The following DOCK4 variants were observed in gnomAD, a reference collection of about 807,000 sequenced individuals.
The protein encoded by DOCK4 is dedicator of cytokinesis 4.
Under a neutral mutation model 268.1 loss-of-function variants are expected in DOCK4, and 97 were observed. That is an observed-to-expected ratio of 0.36 (90% CI 0.31 to 0.43). The LOEUF is 0.43. Among genes scored for constraint, DOCK4 ranks in the 20% least tolerant of loss-of-function variants. The pLI is 1.00. For synonymous variants in DOCK4, 954 were observed against 887.2 expected, an observed-to-expected ratio of 1.08 and a Z score of -1.34; for missense variants, 2,145 against 2,455.7, an observed-to-expected ratio of 0.87 and a Z score of 2.67.
At chr7:111,802,166 C>T (rs1172022250) in intron 30 of DOCK4, among the ~76,000 whole-genome samples, 1 of 152,110 alleles carries the variant, frequency 6.6e-6, no homozygotes, top group Non-Finnish European at 1.5e-5. Flanking sequence ...ACCTGTGCAA[C>T]CTGAACTCAA....
intron 12 of DOCK4, among the ~76,000 whole-genome samples, chr7:111,916,907 T>C (rs1792633971): frequency 6.6e-6 from 1 of 151,368 alleles, no homozygotes; most frequent in South Asian, 2.1e-4. Flanking sequence ...GGTGCACCCA[T>C]CACCTGAGTA....
At chr7:112,030,657 T>C (rs1408901405) in intron 1 of DOCK4, among the ~76,000 whole-genome samples, 2 of 152,174 alleles carry the variant, frequency 1.3e-5, no homozygotes, top group Non-Finnish European at 2.9e-5. Flanking sequence ...AGATCTTTCA[T>C]CTTTTGGGAC....
intron 30 of DOCK4, among the ~76,000 whole-genome samples, chr7:111,798,841 C>G (rs76382104): frequency 0.042 from 6,463 of 152,288 alleles, 175 homozygotes; most frequent in Middle Eastern, 0.068. Context: ...CCTAATTTTC[C>G]ATGCTCATGT....
At chr7:111,791,593 C>T (rs1799554555) in intron 30 of DOCK4, among the ~76,000 whole-genome samples, 1 of 151,950 alleles carries the variant, frequency 6.6e-6, no homozygotes, top group African/African-American at 2.4e-5. Context: ...GATTTACAGG[C>T]ACATGACACC....
chr7:112,043,158 A>G (rs1804539920), intron 1 of DOCK4, among the ~76,000 whole-genome samples: 1 of 152,196 alleles, frequency 6.6e-6, no homozygotes, highest in Non-Finnish European at 1.5e-5. Context: ...CAGAGAAAGG[A>G]AAATAATCAC....
intron 31 of DOCK4, 92 bp from the exon 32 acceptor site, chr7:111,788,839 A>G: frequency 8.5e-7 from 1 of 1,180,846 alleles, no homozygotes; most frequent in Middle Eastern, 1.9e-4. Flanking sequence ...CCAAGGAAAA[A>G]GCCATGGTAA....
intron 1 of DOCK4, among the ~76,000 whole-genome samples, chr7:112,015,872 G>C (rs990121705): frequency 6.6e-6 from 1 of 152,296 alleles, no homozygotes; most frequent in African/African-American, 2.4e-5. Context: ...GTGGAAGGAC[G>C]AAGAACATGA....
At chr7:111,759,669 G>A (rs1206086092) in intron 40 of DOCK4, among the ~76,000 whole-genome samples, 1 of 151,794 alleles carries the variant, frequency 6.6e-6, no homozygotes, top group Non-Finnish European at 1.5e-5. Flanking sequence ...TAGACAATAA[G>A]AGCATGAATT....
At chr7:111,861,617 G>A (rs893382857) in intron 23 of DOCK4, among the ~76,000 whole-genome samples, 9 of 151,688 alleles carry the variant, frequency 5.9e-5, no homozygotes, top group African/African-American at 2.2e-4. Context: ...ATGATGGTGG[G>A]TGCCTATAAT....
intron 1 of DOCK4, among the ~76,000 whole-genome samples, chr7:112,036,561 T>C (rs1032789077): frequency 2.0e-5 from 3 of 152,048 alleles, no homozygotes; most frequent in African/African-American, 7.2e-5. Context: ...GAGATATATA[T>C]AACAAAGGGT....
intron 1 of DOCK4, among the ~76,000 whole-genome samples, chr7:112,033,108 C>G (rs559514542): frequency 6.6e-6 from 1 of 152,048 alleles, no homozygotes; most frequent in Non-Finnish European, 1.5e-5. Context: ...AATTTTTATA[C>G]TGCACATATT....
rs1397732934 is a variant in DOCK4, at chr7:112,177,758, C to T, written c.37+28344G>A. Among the ~76,000 whole-genome samples the T allele has an allele frequency of 2.6e-5, 4 of 151,836 alleles. No homozygotes were observed. The South Asian group carries it at 8.3e-4, about 32-fold the overall frequency. On this transcript the variant is annotated intron_variant, in intron 1 of 52. Transcript: ENST00000428084. ...TTTTTTAACAGAAATTTGAAATAAGCCCTTTTATAAGGTAAAAAAAAAGAG... is the reference window on the plus strand; with the variant it reads ...TTTTTTAACAGAAATTTGAAATAAGTCCTTTTATAAGGTAAAAAAAAAGAG...
intron 50 of DOCK4, among the ~76,000 whole-genome samples, chr7:111,736,701 T>C (rs555180554): frequency 6.6e-6 from 1 of 152,324 alleles, no homozygotes; most frequent in South Asian, 2.1e-4. Context: ...GGCGTTCCTA[T>C]CTTGCTCAGA....
At chr7:112,127,703 T>C in intron 1 of DOCK4, among the ~76,000 whole-genome samples, 1 of 152,122 alleles carries the variant, frequency 6.6e-6, no homozygotes, top group East Asian at 1.9e-4. Flanking sequence ...AAACCAATAC[T>C]ACATCACCAA....
At chr7:111,899,792 C>T (rs373076657) in intron 15 of DOCK4, among the ~76,000 whole-genome samples, 2 of 152,078 alleles carry the variant, frequency 1.3e-5, no homozygotes, top group South Asian at 2.1e-4. Flanking sequence ...GCGTGGTGGC[C>T]GGGCGCCTGT....
chr7:112,135,770 C>A (rs538272116), intron 1 of DOCK4, among the ~76,000 whole-genome samples: 23 of 123,550 alleles, frequency 1.9e-4, no homozygotes, highest in Non-Finnish European at 3.4e-4. Flanking sequence ...TCAGTCCTCT[C>A]ACCAAAAAAA....
rs146851542 is a variant in DOCK4 at position 111,897,824 on chromosome 7, G to A, written c.1481-2106C>T. On this transcript the variant is annotated intron_variant, in intron 15 of 52. Transcript: ENST00000428084. ...TTAACATGTCTAAAATGCAATGTTC[G>A]ATTTTTGTTCCCCAAACAGATTCTC... Among the ~76,000 whole-genome samples, 289 of 152,176 alleles carry A rather than the reference G, an allele frequency of 1.9e-3. 2 individuals carry two copies. The highest frequency in any genetic ancestry group is 6.6e-3 in the African/African-American group (275 of 41,526).
intron 1 of DOCK4, among the ~76,000 whole-genome samples, chr7:112,143,528 T>C (rs1008228884): frequency 5.3e-5 from 8 of 152,174 alleles, no homozygotes; most frequent in African/African-American, 1.4e-4. Flanking sequence ...GTCTTTTACC[T>C]AGGTTTAAAT....
chr7:111,772,107 G>T (rs1253659759), intron 36 of DOCK4, among the ~76,000 whole-genome samples: 1 of 152,170 alleles, frequency 6.6e-6, no homozygotes, highest in African/African-American at 2.4e-5. Context: ...AAGAGGAATG[G>T]GGAGTTAGTG....
Sources: allele counts gnomAD v4.1 joint callset (sites outside exome capture counted in the v4.1 genomes callset), GRCh38; gene constraint gnomAD v4.1.1; transcripts MANE v1.5; gene names NCBI Gene and HGNC (gene_info 2026-07-23, HGNC 2026-07-21).